SYNJ1: variants seen among roughly 807,000 people sequenced by gnomAD.
SYNJ1 encodes the protein synaptojanin 1.
SYNJ1 carries 78 observed loss-of-function variants against 168.2 expected under a neutral mutation model. That is an observed-to-expected ratio of 0.46 (90% CI 0.39 to 0.56). SYNJ1 has a LOEUF of 0.56. Among genes scored for constraint, SYNJ1 ranks in the 20% least tolerant of loss-of-function variants. The pLI, the probability that SYNJ1 is intolerant of heterozygous loss-of-function variation, is 0.00. For missense variants in SYNJ1, 1,303 were observed against 1,597.6 expected (o/e 0.82, Z 3.14); for synonymous variants, 539 against 548.6 (o/e 0.98, Z 0.24).
chr21:32,635,892 T>C (rs2039545843), intron 31 of SYNJ1, among the ~76,000 whole-genome samples: 1 of 152,166 alleles, frequency 6.6e-6, no homozygotes, highest in Non-Finnish European at 1.5e-5. Flanking sequence ...ATACCATTAT[T>C]TTTTAAAATC....
chr21:32,650,470 T>C (rs1279014593), intron 22 of SYNJ1, 124 bp from the exon 23 acceptor site: 19 of 763,020 alleles, frequency 2.5e-5, no homozygotes, highest in Admixed American at 3.6e-5. Context: ...ACAATTCAGC[T>C]AACTAAAGAA....
At chr21:32,722,483 G>A (rs1160562065) in intron 2 of SYNJ1, among the ~76,000 whole-genome samples, 1 of 152,102 alleles carries the variant, frequency 6.6e-6, no homozygotes, top group Non-Finnish European at 1.5e-5. Context: ...CCAGGAGGCG[G>A]AGGTTGCAGT....
chr21:32,684,313 A>G (rs2041740576), intron 9 of SYNJ1, among the ~76,000 whole-genome samples, 194 bp from the exon 10 acceptor site: 1 of 152,208 alleles, frequency 6.6e-6, no homozygotes, highest in African/African-American at 2.4e-5. Context: ...AACTGTTAAC[A>G]TTTTGTCACA....
chr21:32,656,571 TA>T, intron 21 of SYNJ1, 115 bp downstream of exon 21: 1 of 828,994 alleles, frequency 1.2e-6, no homozygotes, highest in Non-Finnish European at 1.8e-6. Context: ...TACTAAACAC[TA>T]AATAAGGTGG....
At chr21:32,648,971 C>G (rs894050824) in intron 23 of SYNJ1, among the ~76,000 whole-genome samples, 1 of 152,190 alleles carries the variant, frequency 6.6e-6, no homozygotes, top group Non-Finnish European at 1.5e-5. Context: ...TGTGCACATG[C>G]TTTCTTCTTG....
chr21:32,707,862 C>T (rs2042672203), intron 2 of SYNJ1, among the ~76,000 whole-genome samples: 1 of 152,050 alleles, frequency 6.6e-6, no homozygotes, highest in Non-Finnish European at 1.5e-5. Context: ...ATTAAAAATA[C>T]AAAAATTAGG....
At chr21:32,717,401 G>A (rs1242406102) in intron 2 of SYNJ1, among the ~76,000 whole-genome samples, 1 of 152,096 alleles carries the variant, frequency 6.6e-6, no homozygotes, top group East Asian at 1.9e-4. Flanking sequence ...CTCCTTATGA[G>A]GTATATTTTC....
In SYNJ1 at chr21:32,665,927, A is replaced by C; in HGVS notation, c.2145+16T>G. ...TTTCAAAGCTTTATCTTCAAGAACA[A>C]GCAGCAAGAGCTTACCATAGGAAAA... On this transcript the variant is annotated intron_variant, in intron 17 of 32. Transcript: ENST00000674351. 1 of 1,568,878 alleles carries C rather than the reference A, an allele frequency of 6.4e-7. No individual in the cohort carries two copies. Among genetic ancestry groups the C allele is most frequent in the African/African-American group, 1.4e-5 (1 of 72,844 alleles).
At chr21:32,679,563 C>A (rs2041544250) in intron 11 of SYNJ1, among the ~76,000 whole-genome samples, 1 of 152,030 alleles carries the variant, frequency 6.6e-6, no homozygotes, top group African/African-American at 2.4e-5. Context: ...AAACAAAAAA[C>A]TTGCGTCTTT....
At position 32,665,088 on chromosome 21, in the gene SYNJ1, A is replaced by G; in HGVS notation, c.2146-17T>C. On this transcript the variant is annotated splice_polypyrimidine_tract_variant and intron_variant, in intron 17 of 32. Coordinates refer to ENST00000674351, the MANE Select transcript of SYNJ1 (RefSeq NM_203446.3). ...CATCCTTCCCTGAAAGCAATGAGATAGAATTTTAAATTCAAAACAATCAAT... is the reference window on the plus strand; with the variant it reads ...CATCCTTCCCTGAAAGCAATGAGATGGAATTTTAAATTCAAAACAATCAAT... The G allele has an allele frequency of 6.4e-7, 1 of 1,570,234 alleles. No individual in the cohort carries two copies. Among genetic ancestry groups the G allele is most frequent in the Non-Finnish European group, 8.6e-7 (1 of 1,156,240 alleles).
At chr21:32,703,069 C>T (rs2042468980) in intron 2 of SYNJ1, among the ~76,000 whole-genome samples, 1 of 152,254 alleles carries the variant, frequency 6.6e-6, no homozygotes, top group African/African-American at 2.4e-5. Flanking sequence ...TCTCACTTTC[C>T]CTGCCTGCTT....
chr21:32,674,176 T>C (rs2041312849), intron 13 of SYNJ1, among the ~76,000 whole-genome samples: 2 of 152,182 alleles, frequency 1.3e-5, no homozygotes, highest in African/African-American at 2.4e-5. Context: ...TCTTCCACTC[T>C]CCCTGGTGCA....
chr21:32,650,025 C>T (rs2040217063), intron 23 of SYNJ1, among the ~76,000 whole-genome samples, 159 bp downstream of exon 23: 1 of 152,180 alleles, frequency 6.6e-6, no homozygotes, highest in African/African-American at 2.4e-5. Flanking sequence ...GCTGTGATTG[C>T]AGGCATGAGC....
At chr21:32,645,082 T>C (rs371576934) in intron 25 of SYNJ1, 76 bp from the exon 26 acceptor site, 10 of 1,437,940 alleles carry the variant, frequency 7.0e-6, no homozygotes, top group African/African-American at 5.7e-5. Flanking sequence ...AAGATTGCTA[T>C]AGTATCCATG....
chr21:32,703,219 T>C (rs2042475236), intron 2 of SYNJ1, among the ~76,000 whole-genome samples: 1 of 152,258 alleles, frequency 6.6e-6, no homozygotes, highest in African/African-American at 2.4e-5. Context: ...ATTTTCACGA[T>C]TCTCTAACAT....
In SYNJ1 at chr21:32,664,962, T is replaced by G; in HGVS notation, c.2255A>C (p.Asp752Ala). ...VKELIRQQNW[D>A]SLIAGDQLIN... is the part of the protein sequence containing the mutation. ...AAGTTGATCTCCTGCTATAAGAGAA[T>G]CCCAATTTTGCTGTCTTATGAGCTC... The change falls in exon 18 of 33, where the codon GAT becomes GCT. Residue 752 changes from aspartate (D) to alanine (A), a missense_variant. By Grantham distance (126) the Asp-to-Ala change is moderately radical (BLOSUM62 -2). Around this residue, in one of 2 missense-constraint regions of SYNJ1, gnomAD observed 920 missense variants for 1,208.8 expected, o/e 0.76. Transcript: ENST00000674351. 1 of 1,613,550 alleles carries G rather than the reference T, an allele frequency of 6.2e-7. No individual in the cohort carries two copies. The highest frequency in any genetic ancestry group is 8.5e-7 in the Non-Finnish European group (1 of 1,179,648).
Position 32,687,054 on chromosome 21 carries a change from T to C in SYNJ1, c.872A>G (p.Asn291Ser), listed in dbSNP as rs2041859815. Residue 291 changes from asparagine (N) to serine (S), a missense_variant, in exon 8 of 33, where the codon AAC (asparagine) becomes AGC (serine). By Grantham distance (46) the Asn-to-Ser change is conservative (BLOSUM62 1). Transcript: ENST00000674351. ...TACTATTATTTGTTTACCATATAAG[T>C]TCTTAAGTGTTCTAAAATGCCTATT... is the stretch of plus-strand genomic sequence containing the variant. ...AFDRHFRTLK[N>S]LYGKQIIVNL... The C allele has an allele frequency of 6.6e-7, 1 of 1,512,410 alleles. No individual in the cohort carries two copies. The highest frequency in any genetic ancestry group is 1.4e-5 in the African/African-American group (1 of 69,248). The allele number at this position is 1,512,410 out of a possible 1,614,324, so 93.7% of individuals were successfully genotyped here.
chr21:32,683,305 T>G (rs1430106835), intron 10 of SYNJ1, among the ~76,000 whole-genome samples: 1 of 151,966 alleles, frequency 6.6e-6, no homozygotes, highest in Non-Finnish European at 1.5e-5. Flanking sequence ...GAGACTATGT[T>G]TATCTTAGGC....
At chr21:32,661,829 A>C (rs2040715244) in intron 18 of SYNJ1, among the ~76,000 whole-genome samples, 3 of 151,896 alleles carry the variant, frequency 2.0e-5, no homozygotes, top group African/African-American at 7.3e-5. Context: ...ACTTCCAGGC[A>C]CTCCCCGAGA....
Sources: gnomAD v4.1 joint callset for allele counts (sites outside exome capture counted in the v4.1 genomes callset) on GRCh38, gnomAD v4.1.1 for gene constraint, gnomAD v4.1.1 regional missense constraint, MANE v1.5 for transcripts, NCBI Gene and HGNC (gene_info 2026-07-23, HGNC 2026-07-21) for gene names.